The following CXorf38 variants were observed in gnomAD, a reference collection of about 807,000 sequenced individuals.
CXorf38 encodes the protein uncharacterized protein CXorf38.
A neutral mutation model predicts 27.5 loss-of-function variants in CXorf38; 13 were observed. The ratio of observed to expected loss-of-function variants is 0.47; its 90% confidence interval spans 0.31 to 0.75. The LOEUF (loss-of-function observed/expected upper bound fraction) is 0.75, where lower values mean the gene tolerates loss of function less well. Among genes scored for constraint, CXorf38 ranks in the 30% least tolerant of loss-of-function variants. CXorf38 has a pLI of 0.05. For missense variants in CXorf38, 240 were observed against 253.2 expected (o/e 0.95, Z 0.35); for synonymous variants, 100 against 99.8 (o/e 1.00, Z -0.01).
At chrX:40,647,178 A>G in intron 1 of CXorf38, 37 bp from the exon 2 acceptor site, 4 of 1,190,419 alleles carry the variant, frequency 3.4e-6, no homozygotes, top group Non-Finnish European at 4.5e-6. Context: ...CCCAGGAGGG[A>G]GGGACGTCGC....
rs376629019 is a variant in CXorf38, at chrX:40,639,069, A to G, written c.411T>C (p.Ala137=). ...KQGPEECDAV[A]LLSLINSCDH... ...CGCAGGAGTTGATGAGACTTAAAAG[A>G]GCAACTGCATCACATTCCTCAGGTC... is the stretch of plus-strand genomic sequence containing the variant. The change falls in exon 3 of 7, where the codon GCT becomes GCC. Residue 137 remains alanine (A), a synonymous_variant. Transcript: ENST00000327877. 187 of 1,209,304 alleles carry G rather than the reference A, an allele frequency of 1.5e-4. No homozygotes were observed. The highest frequency in any genetic ancestry group is 2.0e-4 in the Non-Finnish European group (183 of 894,420).
intron 5 of CXorf38, among the ~76,000 whole-genome samples, chrX:40,631,779 C>G (rs1266764972): frequency 8.9e-6 from 1 of 112,065 alleles, no homozygotes; most frequent in Non-Finnish European, 1.9e-5. Flanking sequence ...AGCAAATACT[C>G]ACGTTATCGT....
chrX:40,646,465 T>A (rs770520124), intron 2 of CXorf38, among the ~76,000 whole-genome samples: 1 of 111,262 alleles, frequency 9.0e-6, no homozygotes, highest in East Asian at 2.8e-4. Context: ...GGCAAAAAAA[T>A]TTCCTACTCG....
chrX:40,631,637 G>A lies in CXorf38; in HGVS notation c.802-864C>T, dbSNP rs186538871. 7.6e-4 allele frequency among the ~76,000 whole-genome samples: 85 copies of A among 111,828 alleles called. No individual in the cohort carries two copies. In the East Asian group the frequency reaches 0.023, roughly 30 times the overall value. ...GCTTTTAAATGGGGAACCCTCAACT[G>A]CAAGTTAAGTCAGGGTTATATAAAT... is the stretch of plus-strand genomic sequence containing the variant. On this transcript the variant is annotated intron_variant, in intron 5 of 6. Transcript: ENST00000327877.
At chrX:40,640,566 CT>C (rs1928273917) in intron 2 of CXorf38, among the ~76,000 whole-genome samples, 1 of 39,446 alleles carries the variant, frequency 2.5e-5, no homozygotes, top group Non-Finnish European at 7.1e-5. Flanking sequence ...TTTGTAAACC[CT>C]GGCTGGCCCG....
At chrX:40,637,215 CT>C in intron 3 of CXorf38, 59 bp from the exon 4 acceptor site, 3 of 858,331 alleles carry the variant, frequency 3.5e-6, no homozygotes, top group Non-Finnish European at 4.8e-6. Context: ...AAACTGAGAT[CT>C]TTCACTCCAA....
At chrX:40,633,989 TC>T (rs749806977) in intron 5 of CXorf38, among the ~76,000 whole-genome samples, 2 of 111,025 alleles carry the variant, frequency 1.8e-5, no homozygotes, top group Admixed American at 1.9e-4. Context: ...CAGCTGCTAC[TC>T]CCATTTGGCT....
intron 2 of CXorf38, among the ~76,000 whole-genome samples, chrX:40,646,290 C>A (rs1928571745): frequency 9.3e-6 from 1 of 107,409 alleles, no homozygotes; most frequent in Non-Finnish European, 1.9e-5. Context: ...GGCCCAGTGT[C>A]ACACCACGGC....
intron 3 of CXorf38, 119 bp from the exon 4 acceptor site, chrX:40,637,275 G>A: frequency 2.0e-6 from 1 of 500,397 alleles, no homozygotes; most frequent in Non-Finnish European, 3.2e-6. Context: ...AACAAGAGCA[G>A]TCTTCAGATG....
At chrX:40,638,964 G>C (rs1462645202) in intron 3 of CXorf38, 45 bp downstream of exon 3, 1 of 1,196,406 alleles carries the variant, frequency 8.4e-7, no homozygotes, top group East Asian at 3.0e-5. Context: ...TCACAGCACA[G>C]ACCCAACTGA....
intron 2 of CXorf38, among the ~76,000 whole-genome samples, chrX:40,643,277 C>T (rs920505611): frequency 9.2e-6 from 1 of 109,135 alleles, no homozygotes; most frequent in African/African-American, 3.4e-5. Context: ...TTAAAAAAAA[C>T]AGCTTTCTTG....
intron 5 of CXorf38, among the ~76,000 whole-genome samples, chrX:40,631,350 C>G (rs1272614973): frequency 1.8e-5 from 2 of 108,401 alleles, no homozygotes; most frequent in Admixed American, 9.8e-5. Context: ...CTCTGTCACC[C>G]AGGCTGGAGT....
At chrX:40,639,229 C>A in intron 2 of CXorf38, 101 bp from the exon 3 acceptor site, 1 of 887,012 alleles carries the variant, frequency 1.1e-6, no homozygotes, top group Non-Finnish European at 1.6e-6. Context: ...GACTGAAGTT[C>A]TCTTATGCAC....
intron 2 of CXorf38, among the ~76,000 whole-genome samples, chrX:40,644,008 TA>T (rs1390657518): frequency 8.9e-6 from 1 of 112,380 alleles, no homozygotes; most frequent in Non-Finnish European, 1.9e-5. Flanking sequence ...TACTGCATTT[TA>T]AAAATTCCAT....
intron 6 of CXorf38, 70 bp downstream of exon 6, chrX:40,630,544 T>G: frequency 2.9e-6 from 3 of 1,022,289 alleles, no homozygotes; most frequent in Non-Finnish European, 4.0e-6. Context: ...TGGCCTCACA[T>G]GAGAGAATAG....
intron 2 of CXorf38, among the ~76,000 whole-genome samples, chrX:40,642,035 T>C (rs1051154561): frequency 7.2e-5 from 8 of 111,685 alleles, no homozygotes; most frequent in Non-Finnish European, 1.3e-4. Context: ...ATTTGAAGAC[T>C]GCACATGCTG....
chrX:40,644,873 C>A (rs371471808), intron 2 of CXorf38, among the ~76,000 whole-genome samples: 1 of 111,845 alleles, frequency 8.9e-6, no homozygotes, highest in Non-Finnish European at 1.9e-5. Flanking sequence ...AGAGATGTGG[C>A]CAGACCGCTG....
intron 5 of CXorf38, among the ~76,000 whole-genome samples, chrX:40,634,313 C>G (rs1212431980): frequency 8.9e-6 from 1 of 111,857 alleles, no homozygotes; most frequent in African/African-American, 3.3e-5. Context: ...TCAAGTGATC[C>G]TCTCACCTTG....
Position 40,631,254 on chromosome X carries a change from TACACACACACAC to T in CXorf38, c.802-493_802-482del, listed in dbSNP as rs56725827. On this transcript the variant is annotated intron_variant, in intron 5 of 6. Transcript: ENST00000327877. ...ATATATGTGTGTATGTATATATATA[TACACACACACAC>T]ACACACACACACACACACACACACG... Among the ~76,000 whole-genome samples the T allele has an allele frequency of 4.3e-3, 384 of 88,937 alleles. 1 individual carries two copies. Among genetic ancestry groups the T allele is most frequent in the African/African-American group, 0.015 (351 of 23,550 alleles). The allele number at this position is 88,937 out of a possible 115,157, so 77.2% of individuals were successfully genotyped here.
Sources: allele counts gnomAD v4.1 joint callset (sites outside exome capture counted in the v4.1 genomes callset), GRCh38; gene constraint gnomAD v4.1.1; transcripts MANE v1.5; gene names NCBI Gene and HGNC (gene_info 2026-07-23, HGNC 2026-07-21).